Variants in MTA3 observed in about 807,000 individuals in gnomAD.
MTA3 encodes metastasis-associated protein MTA3.
A neutral mutation model predicts 83.5 loss-of-function variants in MTA3; 34 were observed. The observed-to-expected ratio is 0.41, with a 90% CI of 0.31 to 0.54. The LOEUF (loss-of-function observed/expected upper bound fraction) is 0.54. Ranked by LOEUF, MTA3 falls within the 20% of genes least tolerant of loss-of-function variation. MTA3 has a pLI of 0.33. For missense variants in MTA3, 761 were observed against 726.4 expected (o/e 1.05, Z -0.55); for synonymous variants, 303 against 252.7 (o/e 1.20, Z -1.89).
In MTA3 at chr2:42,755,304, A is replaced by G. The variant is rs1180065662; in HGVS notation, c.*1905A>G. 8.1e-6 allele frequency: 8 copies of G among 985,304 alleles called. No individual in the cohort carries two copies. The highest frequency in any genetic ancestry group is 2.3e-4 in the East Asian group (2 of 8,828). 61.0% of individuals were successfully genotyped at this position (985,304 alleles called of 1,614,324 possible). On this transcript the variant is annotated 3_prime_UTR_variant, in exon 17 of 17. Coordinates refer to ENST00000405094, the MANE Select transcript of MTA3 (RefSeq NM_001330442.2). Reference sequence around the variant, plus strand: ...GTGGTGACTGCAGATTCTGGAAACAATTAGCTGCCCGTGACTCAGCTGCCA... The same window carrying G: ...GTGGTGACTGCAGATTCTGGAAACAGTTAGCTGCCCGTGACTCAGCTGCCA...
At chr2:42,661,297 G>C (rs1005238631) in intron 8 of MTA3, among the ~76,000 whole-genome samples, 1 of 151,958 alleles carries the variant, frequency 6.6e-6, no homozygotes, top group Non-Finnish European at 1.5e-5. Context: ...TCAGGAGTTT[G>C]ATACCAAGGT....
At chr2:42,644,419 C>G (rs144656803) in intron 6 of MTA3, among the ~76,000 whole-genome samples, 175 bp downstream of exon 6, 3 of 152,096 alleles carry the variant, frequency 2.0e-5, no homozygotes, top group African/African-American at 7.2e-5. Context: ...AGAGATGAGG[C>G]CTCGCTATGT....
chr2:42,538,152 G>A (rs1197510304), intron 2 of MTA3, among the ~76,000 whole-genome samples: 1 of 152,148 alleles, frequency 6.6e-6, no homozygotes, highest in Non-Finnish European at 1.5e-5. Context: ...AGAATGGCGT[G>A]AACCCGGGAG....
chr2:42,670,018 G>A (rs561805152), intron 8 of MTA3, among the ~76,000 whole-genome samples: 7 of 152,282 alleles, frequency 4.6e-5, no homozygotes, highest in African/African-American at 1.2e-4. Context: ...TAATCCAGGC[G>A]TGAGGCCAAG....
At chr2:42,650,503 G>C (rs923270829) in intron 6 of MTA3, among the ~76,000 whole-genome samples, 1 of 151,806 alleles carries the variant, frequency 6.6e-6, no homozygotes, top group Admixed American at 6.6e-5. Context: ...GCAGTGGCAC[G>C]ATCTCGGTTC....
intron 2 of MTA3, among the ~76,000 whole-genome samples, chr2:42,504,472 C>G (rs552470981): frequency 9.9e-5 from 15 of 152,246 alleles, no homozygotes; most frequent in African/African-American, 3.6e-4. Context: ...AACTCCTGAC[C>G]TCAGGTGATC....
chr2:42,653,471 G>A (rs1008540570), intron 6 of MTA3, among the ~76,000 whole-genome samples: 1 of 152,144 alleles, frequency 6.6e-6, no homozygotes, highest in Non-Finnish European at 1.5e-5. Flanking sequence ...CTTTTTAAAA[G>A]TTTTTTCCAT....
intron 16 of MTA3, among the ~76,000 whole-genome samples, chr2:42,731,454 C>T (rs930070274): frequency 2.0e-5 from 3 of 152,146 alleles, no homozygotes; most frequent in African/African-American, 4.8e-5. Context: ...AGGCCAAAGG[C>T]ACTTTTTACA....
intron 7 of MTA3, among the ~76,000 whole-genome samples, chr2:42,659,056 C>T (rs1286428229): frequency 6.6e-6 from 1 of 151,786 alleles, no homozygotes; most frequent in Admixed American, 6.6e-5. Context: ...TATGATCATA[C>T]TATTGCGCTC....
intron 3 of MTA3, among the ~76,000 whole-genome samples, chr2:42,601,823 G>A (rs992638200): frequency 7.9e-5 from 12 of 152,106 alleles, no homozygotes; most frequent in East Asian, 1.9e-4. Context: ...AGGATTTCAG[G>A]TGTGCACCAC....
chr2:42,670,660 A>T (rs954245295), intron 8 of MTA3, among the ~76,000 whole-genome samples: 37 of 152,166 alleles, frequency 2.4e-4, no homozygotes, highest in African/African-American at 8.9e-4. Context: ...GGCACTAAGC[A>T]CAAGTGACTG....
chr2:42,744,649 G>A lies in MTA3; in HGVS notation c.1760-8725G>A, dbSNP rs1368639835. Among the ~76,000 whole-genome samples the A allele has an allele frequency of 3.3e-5, 5 of 152,158 alleles. 1 individual carries two copies. Among genetic ancestry groups the A allele is most frequent in the Non-Finnish European group, 7.4e-5 (5 of 68,020 alleles). On this transcript the variant is annotated intron_variant, in intron 16 of 16. Transcript: ENST00000405094. ...AGGTCTCTCACATGTTTTGGGAGGA[G>A]GAGTAGAGGTTTGCAAAAGGAAAGG...
chr2:42,500,039 C>T (rs1674327552), intron 2 of MTA3, among the ~76,000 whole-genome samples: 1 of 151,538 alleles, frequency 6.6e-6, no homozygotes, highest in Non-Finnish European at 1.5e-5. Context: ...GAGGCAGAGG[C>T]AGGTGGATCA....
intron 6 of MTA3, among the ~76,000 whole-genome samples, chr2:42,646,464 A>C (rs1007277472): frequency 6.6e-6 from 1 of 152,262 alleles, no homozygotes; most frequent in Non-Finnish European, 1.5e-5. Flanking sequence ...TCTAGATGCC[A>C]GTAACAACAA....
At chr2:42,679,263 A>T (rs929355765) in intron 8 of MTA3, among the ~76,000 whole-genome samples, 1 of 151,996 alleles carries the variant, frequency 6.6e-6, no homozygotes, top group Non-Finnish European at 1.5e-5. Context: ...ATTATGGCTC[A>T]CTCCCCTTCT....
intron 2 of MTA3, among the ~76,000 whole-genome samples, chr2:42,551,398 C>G (rs1444803778): frequency 6.6e-6 from 1 of 151,904 alleles, no homozygotes; most frequent in African/African-American, 2.4e-5. Flanking sequence ...ACCACGTTGG[C>G]CACCCTGTTC....
At position 42,609,669 on chromosome 2, in the gene MTA3, CT is replaced by C. The variant is rs1409601459; in HGVS notation, c.317+86del. 16 of 1,434,798 alleles carry C rather than the reference CT, an allele frequency of 1.1e-5. No homozygotes were observed. In the African/African-American group the frequency reaches 2.3e-4, roughly 20 times the overall value. The allele number at this position is 1,434,798 out of a possible 1,614,324, so 88.9% of individuals were successfully genotyped here. The stretch of plus-strand genomic sequence containing the variant: ...TCTTTGAAGCGTTTTCCAGACTCTT[CT>C]CAGGATCTTGCTTAAACTACTTTGC... On this transcript the variant is annotated intron_variant, in intron 4 of 16. Transcript: ENST00000405094.
intron 13 of MTA3, 107 bp downstream of exon 13, chr2:42,708,161 C>T (rs921443538): frequency 1.7e-6 from 2 of 1,156,230 alleles, no homozygotes; most frequent in East Asian, 5.3e-5. Context: ...AAGAAAGCTA[C>T]CTTTATAGCT....
chr2:42,597,812 C>G (rs1452264434), intron 3 of MTA3, among the ~76,000 whole-genome samples: 1 of 151,342 alleles, frequency 6.6e-6, no homozygotes, highest in East Asian at 1.9e-4. Flanking sequence ...TCCTGAGTAG[C>G]TGGGACTACA....
Sources: gnomAD v4.1 joint callset for allele counts (sites outside exome capture counted in the v4.1 genomes callset) on GRCh38, gnomAD v4.1.1 for gene constraint, MANE v1.5 for transcripts, NCBI Gene and HGNC (gene_info 2026-07-23, HGNC 2026-07-21) for gene names.